Variants in PCSK5 observed in about 807,000 individuals in gnomAD.
PCSK5 encodes the protein prohormone convertase 5.
In PCSK5, 129 loss-of-function variants were observed where a neutral mutation model predicts 233.2. The ratio of observed to expected loss-of-function variants is 0.55; its 90% CI spans 0.48 to 0.64. The LOEUF (loss-of-function observed/expected upper bound fraction) is 0.64. Ranked by LOEUF, PCSK5 falls within the 30% of genes least tolerant of loss-of-function variation. The probability of loss-of-function intolerance (pLI) is 0.00; values close to 1 mark genes in which losing one functional copy is unlikely to be tolerated. For missense variants in PCSK5, 2,076 were observed against 2,430.1 expected (o/e 0.85, Z 3.06); for synonymous variants, 825 against 879.2 (o/e 0.94, Z 1.09).
Position 76,046,940 on chromosome 9 carries a change from C to T in PCSK5, c.632+19903C>T, listed in dbSNP as rs183044526. ...GGGATAAAAAGGAGTTTCTGTATGT[C>T]CCAATGTCTGACATTAATGAAGAAA... On this transcript the variant is annotated intron_variant, in intron 5 of 37. Transcript: ENST00000674117. 4.3e-3 allele frequency among the ~76,000 whole-genome samples: 652 copies of T among 152,250 alleles called. 2 individuals are homozygous for T. The highest frequency in any genetic ancestry group is 0.015 in the African/African-American group (604 of 41,524).
At chr9:76,210,872 G>A (rs1031118253) in intron 20 of PCSK5, among the ~76,000 whole-genome samples, 2 of 152,162 alleles carry the variant, frequency 1.3e-5, no homozygotes, top group Non-Finnish European at 2.9e-5. Flanking sequence ...AGCTGTTCAG[G>A]AGATAGAACA....
chr9:76,140,948 C>A (rs1273208505), intron 10 of PCSK5, among the ~76,000 whole-genome samples: 1 of 152,032 alleles, frequency 6.6e-6, no homozygotes, highest in Admixed American at 6.6e-5. Flanking sequence ...GTGTAATCAC[C>A]TGAAGAAATT....
At chr9:75,900,737 TCACCCCATTTGTTTTTTAC>T in intron 1 of PCSK5, among the ~76,000 whole-genome samples, 1 of 149,624 alleles carries the variant, frequency 6.7e-6, no homozygotes, top group Non-Finnish European at 1.5e-5. Context: ...GTAAATCGGT[TCACCCCATTTGTTTTTTAC>T]CTCCCCATTC....
intron 35 of PCSK5, among the ~76,000 whole-genome samples, chr9:76,340,962 C>A (rs980944231): frequency 6.6e-6 from 1 of 151,972 alleles, no homozygotes; most frequent in Middle Eastern, 3.4e-3. Context: ...TACCTGTAAT[C>A]CCACCACTAT....
intron 5 of PCSK5, among the ~76,000 whole-genome samples, chr9:76,058,239 T>A (rs992655259): frequency 6.6e-6 from 1 of 152,148 alleles, no homozygotes; most frequent in South Asian, 2.1e-4. Context: ...GGCAGGTACA[T>A]GCATTTTCGA....
At chr9:76,159,816 CTT>C (rs386415165) in intron 12 of PCSK5, among the ~76,000 whole-genome samples, 25 of 97,578 alleles carry the variant, frequency 2.6e-4, no homozygotes, top group South Asian at 1.2e-3. Flanking sequence ...CTCTTCAGTC[CTT>C]TTTTTTTTTT....
intron 30 of PCSK5, among the ~76,000 whole-genome samples, chr9:76,312,979 GAGAAA>G (rs1205935237): frequency 6.6e-6 from 1 of 152,148 alleles, no homozygotes. Context: ...GAGATTCCAA[GAGAAA>G]AGAAAACATT....
At chr9:75,944,092 G>T (rs1163884605) in intron 2 of PCSK5, among the ~76,000 whole-genome samples, 1 of 151,978 alleles carries the variant, frequency 6.6e-6, no homozygotes, top group Non-Finnish European at 1.5e-5. Flanking sequence ...GAGCCAGGGA[G>T]GTTGAGGCTG....
chr9:76,280,479 C>T (rs1255514724), intron 24 of PCSK5, among the ~76,000 whole-genome samples: 1 of 152,134 alleles, frequency 6.6e-6, no homozygotes, highest in African/African-American at 2.4e-5. Flanking sequence ...CGGTGGCTCA[C>T]ACCTATAATC....
rs116385086 is a variant in PCSK5 at position 76,139,816 on chromosome 9, A to G, written c.1312+5604A>G. ...AACTAAACAAACAAACAAAAAAACA[A>G]TGTGAATCACACAGAATTCAGGAAT... On this transcript the variant is annotated intron_variant, in intron 10 of 37. Coordinates refer to ENST00000674117, the MANE Select transcript of PCSK5 (RefSeq NM_001372043.1). 3.7e-3 allele frequency among the ~76,000 whole-genome samples: 560 copies of G among 152,238 alleles called. 1 individual carries two copies. The highest frequency in any genetic ancestry group is 0.012 in the African/African-American group (504 of 41,560).
chr9:75,891,332 A>T lies in PCSK5; in HGVS notation c.151A>T (p.Asn51Tyr). 1 of 1,564,034 alleles carries T rather than the reference A, an allele frequency of 6.4e-7. No individual in the cohort carries two copies. Among genetic ancestry groups the T allele is most frequent in the Non-Finnish European group, 8.6e-7 (1 of 1,158,500 alleles). ...VKIAGGFPEA[N>Y]RIASKYGFIN... ...AATCGCCGGGGGCTTCCCGGAGGCC[A>T]ACCGTATCGCCAGCAAGTACGGATT... is the stretch of plus-strand genomic sequence containing the variant. The change falls in exon 1 of 38, where the codon AAC (asparagine) becomes TAC (tyrosine). Residue 51 changes from asparagine (N) to tyrosine (Y), a missense_variant. Around this residue, in one of 6 missense-constraint regions of PCSK5, gnomAD observed 190 missense variants for 216.3 expected, o/e 0.88. Transcript: ENST00000674117.
intron 24 of PCSK5, among the ~76,000 whole-genome samples, chr9:76,276,066 C>G (rs2842497): frequency 0.98 from 148,430 of 152,220 alleles, 72,402 homozygotes; most frequent in East Asian, 1. Flanking sequence ...GACAAGGCCG[C>G]GGAGTAATCC....
intron 15 of PCSK5, among the ~76,000 whole-genome samples, chr9:76,180,104 TAC>T (rs1554701032): frequency 1.4e-5 from 2 of 144,892 alleles, no homozygotes; most frequent in Non-Finnish European, 3.0e-5. Flanking sequence ...TATATATATA[TAC>T]ACACACACAC....
chr9:76,233,478 CTG>C lies in PCSK5; in HGVS notation c.2752_2753del (p.Val918PhefsTer9). 1.9e-6 allele frequency: 3 copies of C among 1,612,754 alleles called. No homozygotes were observed. The highest frequency in any genetic ancestry group is 2.5e-6 in the Non-Finnish European group (3 of 1,179,836). On this transcript the variant is annotated frameshift_variant, in exon 22 of 38. Coordinates refer to ENST00000674117, the MANE Select transcript of PCSK5 (RefSeq NM_001372043.1). LOFTEE classifies it high-confidence loss of function. The part of the protein sequence containing the change: ...PMTRIFDDGR[C>X]VSNCPSWKFE... ...CCTCTAGGATTTTTGATGATGGCCGCTGTGTTTCGAACTGCCCCTCATGGAAA... is the reference window on the plus strand; with the variant it reads ...CCTCTAGGATTTTTGATGATGGCCGCTGTTTCGAACTGCCCCTCATGGAAA...
chr9:76,168,381 C>T (rs1823179192), intron 12 of PCSK5, among the ~76,000 whole-genome samples: 1 of 152,188 alleles, frequency 6.6e-6, no homozygotes, highest in Non-Finnish European at 1.5e-5. Flanking sequence ...CTCCTGACCT[C>T]AGGTGATCTG....
intron 7 of PCSK5, among the ~76,000 whole-genome samples, chr9:76,078,089 A>T (rs899703090): frequency 6.6e-6 from 1 of 152,166 alleles, no homozygotes; most frequent in Non-Finnish European, 1.5e-5. Context: ...TATGTCCTCT[A>T]TTGAGAAGCG....
chr9:75,985,270 T>G (rs1296697894), intron 2 of PCSK5, among the ~76,000 whole-genome samples: 1 of 152,198 alleles, frequency 6.6e-6, no homozygotes. Context: ...TACCACTAGG[T>G]TATAAATTCT....
intron 9 of PCSK5, among the ~76,000 whole-genome samples, chr9:76,127,209 T>C (rs1339236): frequency 0.47 from 71,514 of 151,942 alleles, 17,237 homozygotes; most frequent in Admixed American, 0.52. Flanking sequence ...TAACTACTGG[T>C]TTTTGAGGTG....
intron 20 of PCSK5, among the ~76,000 whole-genome samples, chr9:76,197,049 T>A (rs1183385902): frequency 2.0e-5 from 3 of 152,190 alleles, no homozygotes; most frequent in African/African-American, 7.2e-5. Context: ...GAGTCTTACC[T>A]GGGAAGACAG....
Sources: allele counts gnomAD v4.1 joint callset (sites outside exome capture counted in the v4.1 genomes callset), GRCh38; gene constraint gnomAD v4.1.1; regional missense constraint gnomAD v4.1.1; transcripts MANE v1.5; gene names NCBI Gene and HGNC (gene_info 2026-07-23, HGNC 2026-07-21).